Variants in DONSON observed in about 807,000 individuals in gnomAD.
The protein encoded by DONSON is protein downstream neighbor of Son.
In DONSON, 43 loss-of-function variants were observed where a neutral mutation model predicts 62.1. That is an observed-to-expected ratio of 0.69 (90% CI 0.54 to 0.89). The LOEUF is 0.89. Ranked by LOEUF, DONSON falls within the 40% of genes least tolerant of loss-of-function variation. DONSON has a pLI of 0.00. For missense variants in DONSON, 696 were observed against 697.5 expected (o/e 1.00, Z 0.03); for synonymous variants, 266 against 264.6 (o/e 1.01, Z -0.05).
At position 33,587,535 on chromosome 21, in the gene DONSON, G is replaced by T; in HGVS notation, c.389C>A (p.Thr130Asn). The T allele has an allele frequency of 6.3e-7, 1 of 1,593,534 alleles. No homozygotes were observed. The highest frequency in any genetic ancestry group is 8.5e-7 in the Non-Finnish European group (1 of 1,173,092). ...EEKFPERTTV[T>N]ELPQTSHVSF... ...AAAAAGTATTACCTGAGGTAATTCA[G>T]TAACAGTTGTTCTTTCAGGAAACTT... The change falls in exon 2 of 10, where the codon ACT becomes AAT. Residue 130 changes from threonine (T) to asparagine (N), a missense_variant. Coordinates refer to ENST00000303071, the MANE Select transcript of DONSON (RefSeq NM_017613.4).
At position 33,585,430 on chromosome 21, in the gene DONSON, G is replaced by A. The variant is rs139097044; in HGVS notation, c.606+548C>T. ...TTTTGTAGAGATGGGGTCTCACTACGTTACTCAGGCTGGTCTCAAGCAATC... is the reference window on the plus strand; with the variant it reads ...TTTTGTAGAGATGGGGTCTCACTACATTACTCAGGCTGGTCTCAAGCAATC... On this transcript the variant is annotated intron_variant, in intron 3 of 9. Transcript: ENST00000303071. Among the ~76,000 whole-genome samples, 585 of 131,694 alleles carry A rather than the reference G, an allele frequency of 4.4e-3. 5 individuals carry two copies. Among genetic ancestry groups the A allele is most frequent in the African/African-American group, 0.015 (528 of 35,050 alleles). 86.4% of individuals were successfully genotyped at this position (131,694 alleles called of 152,430 possible).
At chr21:33,585,351 G>C (rs1177008045) in intron 3 of DONSON, among the ~76,000 whole-genome samples, 1 of 150,444 alleles carries the variant, frequency 6.6e-6, no homozygotes, top group African/African-American at 2.4e-5. Context: ...CTCCCAAGTA[G>C]CTGGGACTAC....
chr21:33,586,783 C>T (rs1034032714), intron 2 of DONSON, among the ~76,000 whole-genome samples: 1 of 152,016 alleles, frequency 6.6e-6, no homozygotes, highest in African/African-American at 2.4e-5. Flanking sequence ...TACAGGCGTG[C>T]CCCACCACGC....
chr21:33,579,502 C>G lies in DONSON; in HGVS notation c.1411G>C (p.Glu471Gln). Residue 471 changes from glutamate (E) to glutamine (Q), a missense_variant, in exon 9 of 10, where the codon GAG becomes CAG. By Grantham distance (29) the Glu-to-Gln change is conservative. Coordinates refer to ENST00000303071, the MANE Select transcript of DONSON (RefSeq NM_017613.4). ...LSGYRDQFSL[E>Q]ITGPIMPHSL... ...TGAGGCATGATAGGACCTGTAATCT[C>G]CAAACTAAATTGGTCTCTGTATCCA... 1 of 1,614,186 alleles carries G rather than the reference C, an allele frequency of 6.2e-7. No homozygotes were observed. Among genetic ancestry groups the G allele is most frequent in the Non-Finnish European group, 8.5e-7 (1 of 1,180,014 alleles).
chr21:33,584,804 C>A, intron 3 of DONSON, 36 bp from the exon 4 acceptor site: 1 of 1,441,216 alleles, frequency 6.9e-7, no homozygotes, highest in Non-Finnish European at 9.2e-7. Context: ...AGTTTTTGCC[C>A]ATTGAGAAAT....
intron 3 of DONSON, 73 bp downstream of exon 3, chr21:33,585,905 G>A: frequency 7.1e-7 from 1 of 1,404,772 alleles, no homozygotes; most frequent in Non-Finnish European, 1.0e-6. Context: ...GGCAGCATCT[G>A]CTATTTTGCA....
chr21:33,579,104 A>G (rs1414914744), intron 9 of DONSON, among the ~76,000 whole-genome samples: 1 of 150,828 alleles, frequency 6.6e-6, no homozygotes, highest in Non-Finnish European at 1.5e-5. Flanking sequence ...GCGCCGCTGC[A>G]CTCCAGCCCG....
Position 33,583,517 on chromosome 21 carries a change from C to T in DONSON, c.935G>A (p.Arg312Gln), listed in dbSNP as rs751927127. The T allele has an allele frequency of 3.5e-5, 57 of 1,613,720 alleles. No individual in the cohort carries two copies. Among genetic ancestry groups the T allele is most frequent in the East Asian group, 1.1e-4 (5 of 44,866 alleles). The change falls in exon 5 of 10, where the codon CGA becomes CAA. Residue 312 changes from arginine (R) to glutamine (Q), a missense_variant. By Grantham distance (43) the Arg-to-Gln change is conservative. Transcript: ENST00000303071. The stretch of plus-strand genomic sequence containing the variant: ...ATTTCTCATAGCTTCTCTTAAACCT[C>T]GAGTTGTTGGAGATATGAGAGCTGT... ...LITALISPTT[R>Q]GLREAMRNEG... is the part of the protein sequence containing the mutation.
In DONSON at chr21:33,586,143, G is replaced by A; in HGVS notation, c.441C>T (p.Ser147=). The A allele has an allele frequency of 6.2e-7, 1 of 1,614,064 alleles. No individual in the cohort carries two copies. The highest frequency in any genetic ancestry group is 8.5e-7 in the Non-Finnish European group (1 of 1,180,010). ...CCACAGGTAACTCAGTACTTTTTGAGGACGGAATATCAGGCTCGGAGAATG... is the reference window on the plus strand; with the variant it reads ...CCACAGGTAACTCAGTACTTTTTGAAGACGGAATATCAGGCTCGGAGAATG... ...HVSFSEPDIP[S]SKSTELPVDW... is the part of the protein sequence containing the mutation. Residue 147 remains serine (S), a synonymous_variant, in exon 3 of 10, where the codon TCC becomes TCT. Coordinates refer to ENST00000303071, the MANE Select transcript of DONSON (RefSeq NM_017613.4).
intron 2 of DONSON, 32 bp from the exon 3 acceptor site, chr21:33,586,213 G>C: frequency 6.3e-7 from 1 of 1,585,134 alleles, no homozygotes; most frequent in Non-Finnish European, 8.6e-7. Context: ...AAAATTAGTC[G>C]AGTATCAAGA....
At chr21:33,586,673 C>A (rs1455316559) in intron 2 of DONSON, among the ~76,000 whole-genome samples, 2 of 152,014 alleles carry the variant, frequency 1.3e-5, no homozygotes, top group African/African-American at 4.8e-5. Flanking sequence ...CTCCCTCTGT[C>A]GCCTAGGCTG....
intron 7 of DONSON, 104 bp downstream of exon 7, chr21:33,581,845 CTG>C: frequency 9.9e-7 from 1 of 1,007,662 alleles, no homozygotes; most frequent in Non-Finnish European, 1.5e-6. Context: ...TTAATATGAC[CTG>C]AAGATAATTT....
intron 9 of DONSON, among the ~76,000 whole-genome samples, chr21:33,579,108 C>T (rs2086473300): frequency 6.6e-6 from 1 of 151,104 alleles, no homozygotes; most frequent in African/African-American, 2.4e-5. Context: ...CGCTGCACTC[C>T]AGCCCGGGCA....
At chr21:33,585,096 G>A (rs935966855) in intron 3 of DONSON, among the ~76,000 whole-genome samples, 3 of 152,094 alleles carry the variant, frequency 2.0e-5, no homozygotes, top group Non-Finnish European at 2.9e-5. Context: ...CTCTCCAAAA[G>A]GCTGTTTTAA....
intron 9 of DONSON, among the ~76,000 whole-genome samples, 183 bp downstream of exon 9, chr21:33,579,160 GGACTGAA>G (rs1020741666): frequency 1.4e-4 from 22 of 151,792 alleles, no homozygotes; most frequent in African/African-American, 2.7e-4. Context: ...AATTGTACTT[GGACTGAA>G]TTCATGAAAG....
chr21:33,582,135 G>A, intron 6 of DONSON, 30 bp downstream of exon 6: 1 of 1,611,478 alleles, frequency 6.2e-7, no homozygotes, highest in Non-Finnish European at 8.5e-7. Flanking sequence ...ATAAGTCAGT[G>A]GATGATATAA....
rs531624955 is a variant in DONSON, at chr21:33,585,495, G to A, written c.606+483C>T. ...CCCAAAATGCTGAGATTACAGGCAT[G>A]GGCTATTGTGCCCAGCCTCCTAGTT... On this transcript the variant is annotated intron_variant, in intron 3 of 9. Transcript: ENST00000303071. Among the ~76,000 whole-genome samples, 4 of 148,760 alleles carry A rather than the reference G, an allele frequency of 2.7e-5. No individual in the cohort carries two copies. In the Admixed American group the frequency reaches 2.7e-4, roughly 10 times the overall value.
At chr21:33,580,038 T>C (rs1363595103) in intron 8 of DONSON, among the ~76,000 whole-genome samples, 1 of 150,776 alleles carries the variant, frequency 6.6e-6, no homozygotes, top group African/African-American at 2.4e-5. Context: ...CTATTAAAAA[T>C]ACAAAAAAAT....
At chr21:33,579,598 C>A (rs1458535353) in intron 8 of DONSON, 36 bp from the exon 9 acceptor site, 5 of 1,583,532 alleles carry the variant, frequency 3.2e-6, no homozygotes, top group African/African-American at 1.4e-5. Flanking sequence ...AAATTAAGAT[C>A]ATCTCTCAAC....
Sources: gnomAD v4.1 joint callset for allele counts (sites outside exome capture counted in the v4.1 genomes callset) on GRCh38, gnomAD v4.1.1 for gene constraint, MANE v1.5 for transcripts, NCBI Gene and HGNC (gene_info 2026-07-23, HGNC 2026-07-21) for gene names.